Variants in DEFB128 observed in about 807,000 individuals in gnomAD.
DEFB128 encodes the protein defensin beta 128.
Under a neutral mutation model 2.4 loss-of-function variants are expected in DEFB128, and 1 was observed. The ratio of observed to expected loss-of-function variants is 0.41; its 90% CI spans 0.15 to 1.96. The LOEUF is 1.96. Among genes scored for constraint, DEFB128 ranks in the 30% most tolerant of loss-of-function variants. The pLI, the probability that DEFB128 is intolerant of heterozygous loss-of-function variation, is 0.30. For synonymous variants in DEFB128, 59 were observed against 39.1 expected (o/e 1.51, Z -1.89); for missense variants, 129 against 104.9 (o/e 1.23, Z -1.00).
chr20:188,642 C>T (rs2011115739), intron 1 of DEFB128, among the ~76,000 whole-genome samples: 1 of 152,198 alleles, frequency 6.6e-6, no homozygotes. Flanking sequence ...TTGACAAGAT[C>T]TCATGGGTCT....
chr20:187,950 C>A lies in DEFB128; in HGVS notation c.218G>T (p.Gly73Val). The change falls in exon 2 of 2, where the codon GGT becomes GTT. Residue 73 changes from glycine (G) to valine (V), a missense_variant. Physicochemically the swap from Gly to Val is moderately radical, Grantham distance 109 (BLOSUM62 -3). Transcript: ENST00000334391. ...ATCCTGCAGCACACTCAGCTTCTCA[C>A]CAGAATGTTGATGTGGCTTCTTAAA... is the stretch of plus-strand genomic sequence containing the variant. Reference protein sequence around the residue: ...VSFKKPHQHSGEKLSVLQDYI... With the variant: ...VSFKKPHQHSVEKLSVLQDYI... 6.2e-7 allele frequency: 1 copy of A among 1,613,980 alleles called. No individual in the cohort carries two copies. Among genetic ancestry groups the A allele is most frequent in the Non-Finnish European group, 8.5e-7 (1 of 1,179,934 alleles).
rs766665223 is a variant in DEFB128, at chr20:187,982, A to G, written c.186T>C (p.His62=). The part of the protein sequence containing the change: ...CCANDEEEKK[H]VSFKKPHQHS... ...GTTGATGTGGCTTCTTAAATGACAC[A>G]TGTTTTTTCTCTTCTTCATCATTAG... The change falls in exon 2 of 2, where the codon CAT becomes CAC. Residue 62 remains histidine, a synonymous_variant. Transcript: ENST00000334391. The G allele has an allele frequency of 4.8e-5, 77 of 1,613,270 alleles. No individual in the cohort carries two copies. Among genetic ancestry groups the G allele is most frequent in the African/African-American group, 9.4e-5 (7 of 74,766 alleles).
rs998748821 is a variant in DEFB128 at position 188,007 on chromosome 20, G to A, written c.161C>T (p.Ala54Val). The A allele has an allele frequency of 2.5e-6, 4 of 1,613,904 alleles. No homozygotes were observed. Among genetic ancestry groups the A allele is most frequent in the Non-Finnish European group, 3.4e-6 (4 of 1,179,948 alleles). The stretch of plus-strand genomic sequence containing the variant: ...ATGTTTTTTCTCTTCTTCATCATTA[G>A]CACAACATAATTTCCCACTTAGACA... ...IGCLSGKLCC[A>V]NDEEEKKHVS... Residue 54 changes from alanine (A) to valine (V), a missense_variant, in exon 2 of 2, where the codon GCT (alanine) becomes GTT (valine). Coordinates refer to ENST00000334391, the MANE Select transcript of DEFB128 (RefSeq NM_001037732.3).
At chr20:189,111 T>A (rs567422134) in intron 1 of DEFB128, among the ~76,000 whole-genome samples, 2 of 152,336 alleles carry the variant, frequency 1.3e-5, no homozygotes, top group East Asian at 1.9e-4. Flanking sequence ...TGAAATATAG[T>A]AATTATACTC....
At chr20:188,152 G>A (rs777231085) in intron 1 of DEFB128, 34 bp from the exon 2 acceptor site, 1 of 1,592,584 alleles carries the variant, frequency 6.3e-7, no homozygotes, top group East Asian at 2.2e-5. Flanking sequence ...ACCAAGGTTA[G>A]TGCGTAAGGA....
chr20:188,139 T>C, intron 1 of DEFB128, 21 bp from the exon 2 acceptor site: 1 of 1,609,162 alleles, frequency 6.2e-7, no homozygotes, highest in Non-Finnish European at 8.5e-7. Flanking sequence ...GAAACAACAT[T>C]GAACCAAGGT....
chr20:187,920 A>G lies in DEFB128; in HGVS notation c.248T>C (p.Ile83Thr), dbSNP rs2011111898. 5.0e-6 allele frequency: 8 copies of G among 1,613,942 alleles called. No individual in the cohort carries two copies. Among genetic ancestry groups the G allele is most frequent in the Non-Finnish European group, 6.8e-6 (8 of 1,179,908 alleles). The part of the protein sequence containing the change: ...GEKLSVLQDY[I>T]ILPTITIFTV ...GAAAATGGTGATGGTGGGTAAGATG[A>G]TGTAATCCTGCAGCACACTCAGCTT... Residue 83 changes from isoleucine to threonine, a missense_variant, in exon 2 of 2, where the codon ATC becomes ACC. Physicochemically the swap from Ile to Thr is moderately conservative, Grantham distance 89 (BLOSUM62 -1). Transcript: ENST00000334391.
At chr20:188,436 A>G (rs1368100883) in intron 1 of DEFB128, among the ~76,000 whole-genome samples, 1 of 152,140 alleles carries the variant, frequency 6.6e-6, no homozygotes, top group South Asian at 2.1e-4. Context: ...TCTCTCCACC[A>G]AGCTCCAAAG....
chr20:188,053 C>T lies in DEFB128; in HGVS notation c.115G>A (p.Gly39Arg), dbSNP rs193046742. 1.3e-5 allele frequency: 21 copies of T among 1,614,084 alleles called. No homozygotes were observed. In the East Asian group the frequency reaches 4.0e-4, roughly 31 times the overall value. ...AGACATCCTATTTCATATCTTTCTC[C>T]TACCTTGCATTTCTTCCTGCAATAG... ...TGYCRKKCKV[G>R]ERYEIGCLSG... The change falls in exon 2 of 2, where the codon GGA becomes AGA. Residue 39 changes from glycine (G) to arginine (R), a missense_variant. Gly to Arg is a moderately radical substitution (Grantham distance 125). Coordinates refer to ENST00000334391, the MANE Select transcript of DEFB128 (RefSeq NM_001037732.3).
rs903037343 is a variant in DEFB128, at chr20:187,955, A to C, written c.213T>G (p.His71Gln). The C allele has an allele frequency of 6.2e-7, 1 of 1,614,072 alleles. No individual in the cohort carries two copies. The highest frequency in any genetic ancestry group is 1.7e-5 in the Admixed American group (1 of 60,008). The change falls in exon 2 of 2, where the codon CAT becomes CAG. Residue 71 changes from histidine to glutamine, a missense_variant. By Grantham distance (24) the His-to-Gln change is conservative. Coordinates refer to ENST00000334391, the MANE Select transcript of DEFB128 (RefSeq NM_001037732.3). ...GCAGCACACTCAGCTTCTCACCAGA[A>C]TGTTGATGTGGCTTCTTAAATGACA... The part of the protein sequence containing the change: ...KHVSFKKPHQ[H>Q]SGEKLSVLQD...
chr20:188,893 T>G (rs1194602294), intron 1 of DEFB128, among the ~76,000 whole-genome samples: 1 of 152,136 alleles, frequency 6.6e-6, no homozygotes, highest in East Asian at 1.9e-4. Flanking sequence ...AAGAATAAGG[T>G]TGGAGAAGAG....
rs747772243 is a variant in DEFB128, at chr20:188,052, C to T, written c.116G>A (p.Gly39Glu). ...TAGACATCCTATTTCATATCTTTCTCCTACCTTGCATTTCTTCCTGCAATA... is the reference window on the plus strand; with the variant it reads ...TAGACATCCTATTTCATATCTTTCTTCTACCTTGCATTTCTTCCTGCAATA... ...TGYCRKKCKV[G>E]ERYEIGCLSG... The change falls in exon 2 of 2, where the codon GGA (glycine) becomes GAA (glutamate). Residue 39 changes from glycine to glutamate, a missense_variant. Gly to Glu is a moderately conservative substitution (Grantham distance 98). Coordinates refer to ENST00000334391, the MANE Select transcript of DEFB128 (RefSeq NM_001037732.3). 1.2e-6 allele frequency: 2 copies of T among 1,614,088 alleles called. No individual in the cohort carries two copies. Among genetic ancestry groups the T allele is most frequent in the East Asian group, 2.2e-5 (1 of 44,878 alleles).
At chr20:188,878 G>A (rs749479574) in intron 1 of DEFB128, among the ~76,000 whole-genome samples, 5 of 152,246 alleles carry the variant, frequency 3.3e-5, no homozygotes, top group Admixed American at 6.5e-5. Context: ...ATTTGAACAA[G>A]CCCAAAGAAT....
Position 188,093 on chromosome 20 carries a change from G to A in DEFB128, c.75C>T (p.Phe25=). ...TCCTGCAATAGCCTGTTACTTTATT[G>A]AAGCATTTTTTGAGTCTTGCCCCGT... is the stretch of plus-strand genomic sequence containing the variant. ...LTDGARLKKC[F]NKVTGYCRKK... is the part of the protein sequence containing the mutation. Residue 25 remains phenylalanine, a synonymous_variant, in exon 2 of 2, where the codon TTC becomes TTT. Transcript: ENST00000334391. 6.2e-7 allele frequency: 1 copy of A among 1,613,808 alleles called. No homozygotes were observed. Among genetic ancestry groups the A allele is most frequent in the African/African-American group, 1.3e-5 (1 of 74,960 alleles).
Position 189,608 on chromosome 20 carries a change from C to T in DEFB128, c.16G>A (p.Val6Ile), listed in dbSNP as rs2011119815. 1.9e-6 allele frequency: 3 copies of T among 1,613,710 alleles called. No homozygotes were observed. The highest frequency in any genetic ancestry group is 1.3e-5 in the African/African-American group (1 of 74,892). The stretch of plus-strand genomic sequence containing the variant: ...ACCTCAAACAGCAGAATAATGAGAA[C>T]CAGAAACAGCTTCATATTTACAGAC... MKLFL[V>I]LIILLFEVLT... The change falls in exon 1 of 2, where the codon GTT becomes ATT. Residue 6 changes from valine (V) to isoleucine (I), a missense_variant. Transcript: ENST00000334391.
rs368151722 is a variant in DEFB128, at chr20:187,867, A to T, written c.*19T>A. ...TTTAGGAAGAGTGGAGACCAGCGAGACAAGGGCTAGATTTAGGATTAGACT... is the reference window on the plus strand; with the variant it reads ...TTTAGGAAGAGTGGAGACCAGCGAGTCAAGGGCTAGATTTAGGATTAGACT... On this transcript the variant is annotated 3_prime_UTR_variant, in exon 2 of 2. Coordinates refer to ENST00000334391, the MANE Select transcript of DEFB128 (RefSeq NM_001037732.3). 55 of 1,613,128 alleles carry T rather than the reference A, an allele frequency of 3.4e-5. No homozygotes were observed. In the African/African-American group the frequency reaches 7.1e-4, roughly 21 times the overall value.
Position 188,086 on chromosome 20 carries a change from C to A in DEFB128, c.82G>T (p.Val28Leu), listed in dbSNP as rs765551202. ...GARLKKCFNK[V>L]TGYCRKKCKV... is the part of the protein sequence containing the mutation. ...CATTTCTTCCTGCAATAGCCTGTTA[C>A]TTTATTGAAGCATTTTTTGAGTCTT... The change falls in exon 2 of 2, where the codon GTA becomes TTA. Residue 28 changes from valine (V) to leucine (L), a missense_variant. By Grantham distance (32) the Val-to-Leu change is conservative. Transcript: ENST00000334391. 1 of 1,613,998 alleles carries A rather than the reference C, an allele frequency of 6.2e-7. No individual in the cohort carries two copies. The highest frequency in any genetic ancestry group is 1.1e-5 in the South Asian group (1 of 91,086).
rs2011120187 is a variant in DEFB128, at chr20:189,668, G to C, written c.-45C>G. 1 of 1,602,610 alleles carries C rather than the reference G, an allele frequency of 6.2e-7. No individual in the cohort carries two copies. Reference sequence around the variant, plus strand: ...GAAAGAGGCAGCAGAACTTTGTCCAGTGGTCTGTGTGCCACAGGTCTTTAA... The same window carrying C: ...GAAAGAGGCAGCAGAACTTTGTCCACTGGTCTGTGTGCCACAGGTCTTTAA... On this transcript the variant is annotated 5_prime_UTR_variant, in exon 1 of 2. Transcript: ENST00000334391.
At position 188,227 on chromosome 20, in the gene DEFB128, T is replaced by A. The variant is rs901110122; in HGVS notation, c.50-109A>T. 5.8e-5 allele frequency: 59 copies of A among 1,018,646 alleles called. 1 individual carries two copies. The East Asian group carries it at 1.3e-3, about 23-fold the overall frequency. The allele number at this position is 1,018,646 out of a possible 1,614,324, so 63.1% of individuals were successfully genotyped here. On this transcript the variant is annotated intron_variant, in intron 1 of 1. Transcript: ENST00000334391. The stretch of plus-strand genomic sequence containing the variant: ...GGCCTCCTATGGTCCCAAGTGAACA[T>A]TATGCTGATAAAAGGAAACTCAGAG...
Sources: gnomAD v4.1 joint callset for allele counts (sites outside exome capture counted in the v4.1 genomes callset) on GRCh38, gnomAD v4.1.1 for gene constraint, MANE v1.5 for transcripts, NCBI Gene and HGNC (gene_info 2026-07-23, HGNC 2026-07-21) for gene names.